KCNJ3: variants seen among roughly 807,000 people sequenced by gnomAD.
The protein encoded by KCNJ3 is G protein-activated inward rectifier potassium channel 1.
Under a neutral mutation model 39.2 loss-of-function variants are expected in KCNJ3, and 4 were observed. The ratio of observed to expected loss-of-function variants is 0.10; its 90% CI spans 0.05 to 0.23. The LOEUF is 0.23. KCNJ3 is among the 10% of genes least tolerant of loss of function. The pLI is 1.00. For missense variants in KCNJ3, 276 were observed against 634.9 expected (o/e 0.43, Z 6.08); for synonymous variants, 230 against 237.4 (o/e 0.97, Z 0.29).
intron 2 of KCNJ3, among the ~76,000 whole-genome samples, chr2:154,843,811 C>G (rs968879103): frequency 2.6e-5 from 4 of 152,160 alleles, no homozygotes; most frequent in African/African-American, 9.7e-5. Flanking sequence ...GTCTTCTCCA[C>G]ACTGTTTATT....
intron 2 of KCNJ3, among the ~76,000 whole-genome samples, chr2:154,769,696 C>T (rs1574455700): frequency 6.6e-6 from 1 of 152,146 alleles, no homozygotes; most frequent in Non-Finnish European, 1.5e-5. Context: ...TGATGCTGGC[C>T]TCATAAAATG....
intron 2 of KCNJ3, among the ~76,000 whole-genome samples, chr2:154,854,486 G>C (rs1687806849): frequency 6.6e-6 from 1 of 152,030 alleles, no homozygotes; most frequent in Non-Finnish European, 1.5e-5. Context: ...TAATATTTAG[G>C]TAATGATGCA....
chr2:154,818,660 C>T (rs1194604591), intron 2 of KCNJ3, among the ~76,000 whole-genome samples: 2 of 152,176 alleles, frequency 1.3e-5, no homozygotes, highest in East Asian at 3.9e-4. Flanking sequence ...TTTAACCTCA[C>T]TACTATGCTG....
At chr2:154,842,188 T>C (rs987346400) in intron 2 of KCNJ3, among the ~76,000 whole-genome samples, 2 of 152,210 alleles carry the variant, frequency 1.3e-5, no homozygotes, top group Admixed American at 6.5e-5. Flanking sequence ...CTGCCTTCAT[T>C]TGATTATTTA....
chr2:154,802,155 T>C (rs1341176505), intron 2 of KCNJ3, among the ~76,000 whole-genome samples: 1 of 152,080 alleles, frequency 6.6e-6, no homozygotes, highest in African/African-American at 2.4e-5. Flanking sequence ...GCCCATTATG[T>C]AATTTTTTTT....
chr2:154,741,232 A>T (rs893825856), intron 2 of KCNJ3, among the ~76,000 whole-genome samples: 6 of 151,964 alleles, frequency 3.9e-5, no homozygotes, highest in African/African-American at 1.4e-4. Flanking sequence ...TCAAAGTCAC[A>T]CAGCTAGTTA....
At chr2:154,802,199 T>TTC (rs1553459986) in intron 2 of KCNJ3, among the ~76,000 whole-genome samples, 1 of 151,624 alleles carries the variant, frequency 6.6e-6, no homozygotes, top group Non-Finnish European at 1.5e-5. Context: ...TTTTTTTTTT[T>TTC]CTAAGACAAC....
Position 154,858,234 on chromosome 2 carries a change from G to T in KCNJ3, c.*2921G>T, listed in dbSNP as rs181185021. ...ACCTGTTGTACCTGTGTAATTATTG[G>T]TAGCACTCCCTTTCACTCTTACAAT... On this transcript the variant is annotated 3_prime_UTR_variant, in exon 3 of 3. Coordinates refer to ENST00000295101, the MANE Select transcript of KCNJ3 (RefSeq NM_002239.4). The T allele has an allele frequency of 3.9e-5, 6 of 152,206 alleles. No individual in the cohort carries two copies. The East Asian group carries it at 1.2e-3, about 29-fold the overall frequency. The allele number at this position is 152,206 out of a possible 1,614,324, so 9.4% of individuals were successfully genotyped here.
At chr2:154,737,850 CAG>C (rs1423768284) in intron 2 of KCNJ3, among the ~76,000 whole-genome samples, 3 of 151,996 alleles carry the variant, frequency 2.0e-5, no homozygotes, top group Non-Finnish European at 4.4e-5. Context: ...GTTGAAGAAA[CAG>C]TGGCCACAAA....
At chr2:154,734,681 A>T (rs1204659420) in intron 2 of KCNJ3, among the ~76,000 whole-genome samples, 2 of 152,178 alleles carry the variant, frequency 1.3e-5, no homozygotes, top group African/African-American at 4.8e-5. Flanking sequence ...TTTGTAAGAA[A>T]GAGAAGGAAA....
At chr2:154,789,974 A>T (rs990288587) in intron 2 of KCNJ3, among the ~76,000 whole-genome samples, 1 of 152,080 alleles carries the variant, frequency 6.6e-6, no homozygotes, top group South Asian at 2.1e-4. Flanking sequence ...ATGCTTGAGG[A>T]TTTCACAGAA....
chr2:154,790,771 G>A (rs1686615629), intron 2 of KCNJ3, among the ~76,000 whole-genome samples: 1 of 151,960 alleles, frequency 6.6e-6, no homozygotes, highest in African/African-American at 2.4e-5. Flanking sequence ...TAATGCATGT[G>A]ATGATCCCAG....
chr2:154,838,834 A>C (rs1394331120), intron 2 of KCNJ3, among the ~76,000 whole-genome samples: 10 of 152,238 alleles, frequency 6.6e-5, no homozygotes. Context: ...TCATTGCTTT[A>C]TACGATATTT....
chr2:154,791,875 A>C (rs1686640381), intron 2 of KCNJ3, among the ~76,000 whole-genome samples: 1 of 151,870 alleles, frequency 6.6e-6, no homozygotes, highest in Non-Finnish European at 1.5e-5. Context: ...TATATTAAAA[A>C]CTCTAGTACA....
chr2:154,779,480 T>C (rs1420611049), intron 2 of KCNJ3, among the ~76,000 whole-genome samples: 1 of 146,578 alleles, frequency 6.8e-6, no homozygotes, highest in Non-Finnish European at 1.5e-5. Flanking sequence ...ATATATTATA[T>C]ATATATGTTA....
At chr2:154,726,319 C>G (rs1390246002) in intron 2 of KCNJ3, among the ~76,000 whole-genome samples, 3 of 151,978 alleles carry the variant, frequency 2.0e-5, no homozygotes, top group Non-Finnish European at 4.4e-5. Flanking sequence ...AGGCAATTCT[C>G]AAAAGAAGAT....
chr2:154,713,791 A>C (rs1183656145), intron 2 of KCNJ3, among the ~76,000 whole-genome samples: 1 of 152,172 alleles, frequency 6.6e-6, no homozygotes, highest in Non-Finnish European at 1.5e-5. Context: ...AGCATTGCAG[A>C]TTTGGCTCAT....
chr2:154,764,705 A>T (rs138642218), intron 2 of KCNJ3, among the ~76,000 whole-genome samples: 33 of 46,716 alleles, frequency 7.1e-4, no homozygotes, highest in African/African-American at 2.1e-3. Context: ...TAATCTAATT[A>T]AAAAAAAAGA....
At chr2:154,767,666 T>C (rs1380675050) in intron 2 of KCNJ3, among the ~76,000 whole-genome samples, 3 of 152,232 alleles carry the variant, frequency 2.0e-5, no homozygotes, top group Non-Finnish European at 4.4e-5. Flanking sequence ...TGTGTCTTTA[T>C]AGCAGCATGA....
Sources: allele counts gnomAD v4.1 joint callset (sites outside exome capture counted in the v4.1 genomes callset), GRCh38; gene constraint gnomAD v4.1.1; transcripts MANE v1.5; gene names NCBI Gene and HGNC (gene_info 2026-07-23, HGNC 2026-07-21).